Variants in AFF3 observed in about 807,000 individuals in gnomAD.
AFF3 encodes the protein AF4/FMR2 family member 3.
A neutral mutation model predicts 129.7 loss-of-function variants in AFF3; 32 were observed. That is an observed-to-expected ratio of 0.25 (90% CI 0.19 to 0.33). The LOEUF is 0.33. AFF3 is among the 10% of genes least tolerant of loss of function. The pLI is 1.00. For synonymous variants in AFF3, 644 were observed against 635.4 expected, an observed-to-expected ratio of 1.01 and a Z score of -0.20; for missense variants, 1,373 against 1,592.0, an observed-to-expected ratio of 0.86 and a Z score of 2.34.
rs138429234 is a variant in AFF3, at chr2:99,948,138, G to A, written c.873+58494C>T. Among the ~76,000 whole-genome samples the A allele has an allele frequency of 8.6e-3, 1,313 of 152,272 alleles. 12 individuals are homozygous for A. The highest frequency in any genetic ancestry group is 0.016 in the Admixed American group (243 of 15,298). ...AGGCTGGCTGACTCCTTTCTCCCAC[G>A]CGGGTCTGCGCTGATGAGAGGCTGC... is the stretch of plus-strand genomic sequence containing the variant. On this transcript the variant is annotated intron_variant, in intron 7 of 24. Coordinates refer to ENST00000672756, the MANE Select transcript of AFF3 (RefSeq NM_001386135.1).
chr2:99,652,257 G>T (rs1225875974), intron 12 of AFF3, among the ~76,000 whole-genome samples: 3 of 152,154 alleles, frequency 2.0e-5, no homozygotes. Context: ...CCAGCCTCTG[G>T]CAGCAGCTCT....
At chr2:99,922,379 CAGCAATGAAAAAAAGAA>C in intron 7 of AFF3, among the ~76,000 whole-genome samples, 1 of 152,040 alleles carries the variant, frequency 6.6e-6, no homozygotes, top group African/African-American at 2.4e-5. Context: ...GATTACTATT[CAGCAATGAAAAAAAGAA>C]TTAATGATGC....
chr2:99,839,235 G>A (rs966845693), intron 7 of AFF3, among the ~76,000 whole-genome samples: 1 of 151,938 alleles, frequency 6.6e-6, no homozygotes, highest in Admixed American at 6.6e-5. Context: ...TCAGCCTCTC[G>A]AGTAGCTGGG....
intron 7 of AFF3, among the ~76,000 whole-genome samples, chr2:99,979,495 T>TC (rs1386614649): frequency 1.4e-5 from 2 of 143,794 alleles, no homozygotes; most frequent in African/African-American, 5.0e-5. Context: ...TCTTTATCTC[T>TC]TTTTTTTTTT....
intron 15 of AFF3, among the ~76,000 whole-genome samples, chr2:99,591,335 C>T (rs752527067): frequency 3.3e-5 from 5 of 152,084 alleles, no homozygotes; most frequent in Non-Finnish European, 5.9e-5. Flanking sequence ...TACAGGTGTG[C>T]ACCATCATGT....
intron 7 of AFF3, among the ~76,000 whole-genome samples, chr2:99,935,535 C>A (rs922238788): frequency 6.6e-6 from 1 of 152,138 alleles, no homozygotes; most frequent in South Asian, 2.1e-4. Context: ...GTAGCATGTA[C>A]AATTTAGGAA....
intron 8 of AFF3, among the ~76,000 whole-genome samples, chr2:99,785,622 C>T (rs960656036): frequency 6.6e-6 from 1 of 152,200 alleles, no homozygotes; most frequent in Admixed American, 6.5e-5. Flanking sequence ...TTGTAGATAA[C>T]AGGCTTTTCT....
intron 7 of AFF3, among the ~76,000 whole-genome samples, chr2:99,850,555 A>C (rs1381909661): frequency 1.3e-5 from 2 of 152,244 alleles, no homozygotes; most frequent in African/African-American, 2.4e-5. Flanking sequence ...CAGTTAGAAT[A>C]ATCTACAAAG....
intron 7 of AFF3, among the ~76,000 whole-genome samples, chr2:99,866,533 C>A (rs1057011942): frequency 6.6e-6 from 1 of 152,158 alleles, no homozygotes; most frequent in East Asian, 1.9e-4. Context: ...ACCATCATCA[C>A]CCTCCTCACT....
chr2:99,788,908 G>A (rs749393441), intron 8 of AFF3, among the ~76,000 whole-genome samples: 11 of 152,072 alleles, frequency 7.2e-5, no homozygotes, highest in Non-Finnish European at 1.6e-4. Context: ...ATTGTGGCAC[G>A]ATTGCCTATA....
chr2:100,042,260 G>A (rs993446042), intron 4 of AFF3, among the ~76,000 whole-genome samples: 1 of 152,176 alleles, frequency 6.6e-6, no homozygotes, highest in Non-Finnish European at 1.5e-5. Context: ...ACCCCACAGA[G>A]GGCCCTCCGC....
intron 11 of AFF3, among the ~76,000 whole-genome samples, chr2:99,675,930 G>A (rs1171687187): frequency 1.3e-5 from 2 of 150,480 alleles, no homozygotes; most frequent in African/African-American, 2.4e-5. Context: ...GTAAAAGGAA[G>A]ATGCAAATTA....
At chr2:99,657,551 C>T (rs1031935631) in intron 12 of AFF3, among the ~76,000 whole-genome samples, 5 of 152,170 alleles carry the variant, frequency 3.3e-5, no homozygotes, top group African/African-American at 7.2e-5. Flanking sequence ...CAGGTAACCT[C>T]GGGGATGACA....
rs544592688 is a variant in AFF3 at position 100,018,492 on chromosome 2, A to C, written c.54-9560T>G. 7.5e-4 allele frequency among the ~76,000 whole-genome samples: 114 copies of C among 152,280 alleles called. 1 individual carries two copies. The highest frequency in any genetic ancestry group is 2.6e-3 in the African/African-American group (110 of 41,554). On this transcript the variant is annotated intron_variant, in intron 4 of 24. Transcript: ENST00000672756. ...TAAATGCTTTTCCTGAGGGATCCTA[A>C]GTCTTGGTGCCATGAGAACAAGTGT...
Position 99,950,783 on chromosome 2 carries a change from T to C in AFF3, c.873+55849A>G, listed in dbSNP as rs552591579. 2.4e-4 allele frequency among the ~76,000 whole-genome samples: 36 copies of C among 152,260 alleles called. 1 individual carries two copies. Among genetic ancestry groups the C allele is most frequent in the Non-Finnish European group, 4.8e-4 (33 of 68,042 alleles). ...TGAATTTTAAACTGTGTATTATTTA[T>C]GTTTCTTGCCTTACTGTGACAAACT... On this transcript the variant is annotated intron_variant, in intron 7 of 24. Transcript: ENST00000672756.
chr2:100,046,440 G>A (rs1573243063), intron 4 of AFF3, among the ~76,000 whole-genome samples: 1 of 152,150 alleles, frequency 6.6e-6, no homozygotes. Context: ...AAGAGGAGAC[G>A]AAGGGACAGG....
intron 4 of AFF3, among the ~76,000 whole-genome samples, chr2:100,056,397 C>G (rs1365487979): frequency 6.6e-6 from 1 of 152,142 alleles, no homozygotes; most frequent in Non-Finnish European, 1.5e-5. Context: ...TTAAGCTCAC[C>G]CATCTGTAGT....
intron 10 of AFF3, among the ~76,000 whole-genome samples, chr2:99,730,093 C>T (rs777348804): frequency 6.6e-5 from 10 of 152,124 alleles, no homozygotes; most frequent in Non-Finnish European, 1.3e-4. Flanking sequence ...CTGGCTGGGC[C>T]TTCCACATTG....
At chr2:99,761,391 C>T (rs1220760539) in intron 8 of AFF3, among the ~76,000 whole-genome samples, 1 of 152,156 alleles carries the variant, frequency 6.6e-6, no homozygotes, top group African/African-American at 2.4e-5. Flanking sequence ...TTCACGTCTA[C>T]TCTACAGCAA....
Sources: allele counts gnomAD v4.1 joint callset (sites outside exome capture counted in the v4.1 genomes callset), GRCh38; gene constraint gnomAD v4.1.1; transcripts MANE v1.5; gene names NCBI Gene and HGNC (gene_info 2026-07-23, HGNC 2026-07-21).